The following THRA variants were observed in gnomAD, a reference collection of about 807,000 sequenced individuals.
THRA encodes thyroid hormone receptor alpha.
A neutral mutation model predicts 45.0 loss-of-function variants in THRA; 13 were observed. That is an observed-to-expected ratio of 0.29 (90% CI 0.19 to 0.46). THRA has a LOEUF of 0.46. THRA is among the 20% of genes least tolerant of loss of function. The pLI is 1.00. For synonymous variants in THRA, 195 were observed against 214.0 expected (o/e 0.91, Z 0.78); for missense variants, 278 against 556.1 (o/e 0.50, Z 5.03).
chr17:40,075,694 ACCTTGTGGCT>A (rs2145058558), intron 2 of THRA, among the ~76,000 whole-genome samples: 1 of 150,400 alleles, frequency 6.6e-6, no homozygotes, highest in Non-Finnish European at 1.5e-5. Context: ...TCTATGCGCC[ACCTTGTGGCT>A]ATCTCTAGGA....
At chr17:40,066,663 C>CAAAAAA (rs553082902) in intron 1 of THRA, among the ~76,000 whole-genome samples, 3 of 49,474 alleles carry the variant, frequency 6.1e-5, no homozygotes, top group Admixed American at 2.3e-4. Flanking sequence ...GACTCCGTCT[C>CAAAAAA]AAAAAAAAAA....
At chr17:40,069,142 TC>T (rs1986681903) in intron 1 of THRA, 1 of 111,366 alleles carries the variant, frequency 9.0e-6, no homozygotes, top group African/African-American at 3.5e-5. Flanking sequence ...CCTCTCTCTC[TC>T]CCCCTCCCCC....
intron 7 of THRA, 51 bp from the exon 8 acceptor site, chr17:40,088,191 G>C: frequency 6.5e-7 from 1 of 1,541,992 alleles, no homozygotes; most frequent in Non-Finnish European, 8.8e-7. Flanking sequence ...GGAGACTCAA[G>C]GACGCGGGGA....
intron 1 of THRA, among the ~76,000 whole-genome samples, chr17:40,063,643 C>G (rs529509156): frequency 6.6e-6 from 1 of 152,300 alleles, no homozygotes; most frequent in Admixed American, 6.5e-5. Flanking sequence ...GCATGGCTGT[C>G]TGGTTGCAAC....
intron 1 of THRA, among the ~76,000 whole-genome samples, chr17:40,068,326 G>C (rs1986646074): frequency 6.6e-6 from 1 of 152,260 alleles, no homozygotes; most frequent in Non-Finnish European, 1.5e-5. Context: ...TCCTGGCATG[G>C]TGAGCAATGC....
intron 4 of THRA, among the ~76,000 whole-genome samples, chr17:40,078,868 A>T (rs1598393478): frequency 6.6e-6 from 1 of 150,786 alleles, no homozygotes; most frequent in Admixed American, 6.6e-5. Context: ...AGTGGCTGGG[A>T]CTACAGGCAC....
Position 40,089,285 on chromosome 17 carries a change from C to A in THRA, c.1062C>A (p.Asn354Lys). The stretch of plus-strand genomic sequence containing the variant: ...TGCTGGCGTTCGAGCACTACGTCAA[C>A]CACCGCAAACACAACATTCCGCACT... ...AYLLAFEHYV[N>K]HRKHNIPHFW... Residue 354 changes from asparagine to lysine, a missense_variant, in exon 9 of 9, where the codon AAC (asparagine) becomes AAA (lysine). By Grantham distance (94) the Asn-to-Lys change is moderately conservative. Around this residue, in one of 6 missense-constraint regions of THRA, gnomAD observed 66 missense variants for 94.7 expected, o/e 0.70. Transcript: ENST00000450525. The surrounding 1 kb of genome is among the most constrained non-coding windows in gnomAD (Gnocchi z 6.1). The A allele has an allele frequency of 1.9e-6, 3 of 1,614,172 alleles. No homozygotes were observed. The highest frequency in any genetic ancestry group is 1.7e-6 in the Non-Finnish European group (2 of 1,180,044).
rs557588986 is a variant in THRA, at chr17:40,090,543, T to G, written c.*1087T>G. 1 of 152,410 alleles carries G rather than the reference T, an allele frequency of 6.6e-6. No homozygotes were observed. Among genetic ancestry groups the G allele is most frequent in the East Asian group, 1.9e-4 (1 of 5,182 alleles). The allele number at this position is 152,410 out of a possible 1,614,324, so 9.4% of individuals were successfully genotyped here. A position where few individuals can be genotyped will look rare whatever the true frequency, so the allele number is the denominator to read the frequency against. On this transcript the variant is annotated 3_prime_UTR_variant, in exon 9 of 9. Transcript: ENST00000450525. The stretch of plus-strand genomic sequence containing the variant: ...CCTGCAGTATTAGCTAGAAACCGGA[T>G]GCTGCTGCATTGGTTGGGTCGGGGG...
intron 2 of THRA, 105 bp downstream of exon 2, chr17:40,074,646 A>G (rs942184469): frequency 5.6e-6 from 7 of 1,239,556 alleles, no homozygotes; most frequent in Non-Finnish European, 7.0e-6. Flanking sequence ...TGTGGGATGG[A>G]CGTGAGGCCA....
chr17:40,085,340 T>TG (rs1336723755), intron 6 of THRA, among the ~76,000 whole-genome samples: 1 of 144,928 alleles, frequency 6.9e-6, no homozygotes, highest in Admixed American at 6.9e-5. Flanking sequence ...CTATGAATAA[T>TG]TTTTTTTTTT....
chr17:40,077,367 GTC>G (rs1567651141), intron 3 of THRA, 139 bp from the exon 4 acceptor site: 2 of 669,416 alleles, frequency 3.0e-6, no homozygotes, highest in Non-Finnish European at 5.2e-6. Flanking sequence ...TTCACCTCGT[GTC>G]TCTCTAGGAT....
intron 2 of THRA, among the ~76,000 whole-genome samples, chr17:40,076,409 A>G (rs955327108): frequency 2.6e-5 from 4 of 152,188 alleles, no homozygotes; most frequent in African/African-American, 9.7e-5. Flanking sequence ...AAAATTTCAC[A>G]GGTATGTTGG....
At chr17:40,093,091 C>T, downstream of THRA, 1 of 1,614,072 alleles carries the variant, frequency 6.2e-7, no homozygotes, top group Non-Finnish European at 8.5e-7. This position sits in a 1 kb window ranked among gnomAD's most constrained non-coding sequence, Gnocchi z 5.9. Context: ...GGTCACTGGG[C>T]GTCCACCCGG....
chr17:40,086,676 G>A lies in THRA; in HGVS notation c.577-31G>A, dbSNP rs200559776. On this transcript the variant is annotated intron_variant, in intron 6 of 8. Transcript: ENST00000450525. Reference sequence around the variant, plus strand: ...CAGTGAGAGGCTGAAAGGGGTCTGCGGCCCCAGCTGACCCCCGTCTTTCTC... The same window carrying A: ...CAGTGAGAGGCTGAAAGGGGTCTGCAGCCCCAGCTGACCCCCGTCTTTCTC... The A allele has an allele frequency of 3.8e-4, 617 of 1,604,840 alleles. 2 individuals are homozygous for A. The African/African-American group carries it at 7.0e-3, about 18-fold the overall frequency.
At chr17:40,093,765 T>C, downstream of THRA, 4 of 710,230 alleles carry the variant, frequency 5.6e-6, no homozygotes, top group Non-Finnish European at 2.3e-6. The surrounding 1 kb of genome is among the most constrained non-coding windows in gnomAD (Gnocchi z 5.9). Context: ...GGCATGAGTC[T>C]GTTTCCCAAG....
At chr17:40,071,370 C>T (rs988803777) in intron 1 of THRA, among the ~76,000 whole-genome samples, 10 of 152,342 alleles carry the variant, frequency 6.6e-5, no homozygotes, top group Non-Finnish European at 1.2e-4. Flanking sequence ...TGGGACGGCT[C>T]GGCAGTGGGA....
At chr17:40,070,033 G>C (rs941133227) in intron 1 of THRA, among the ~76,000 whole-genome samples, 2 of 151,870 alleles carry the variant, frequency 1.3e-5, no homozygotes, top group Non-Finnish European at 2.9e-5. Context: ...GGCGGGGTGG[G>C]GAGGATCCTT....
chr17:40,086,978 C>G, intron 7 of THRA, 125 bp downstream of exon 7: 1 of 1,309,900 alleles, frequency 7.6e-7, no homozygotes, highest in Non-Finnish European at 1.1e-6. Flanking sequence ...TCAACATACA[C>G]AGATAACATA....
intron 4 of THRA, among the ~76,000 whole-genome samples, chr17:40,082,242 T>A (rs1478744142): frequency 6.7e-6 from 1 of 149,222 alleles, no homozygotes; most frequent in African/African-American, 2.5e-5. Flanking sequence ...GAGACAGAGT[T>A]TTGCTCTTGT....
Sources: allele counts gnomAD v4.1 joint callset (sites outside exome capture counted in the v4.1 genomes callset), GRCh38; gene constraint gnomAD v4.1.1; regional missense constraint gnomAD v4.1.1; non-coding constraint Gnocchi (gnomAD v3.1); transcripts MANE v1.5; gene names NCBI Gene and HGNC (gene_info 2026-07-23, HGNC 2026-07-21).